FHOD3: variants seen among roughly 807,000 people sequenced by gnomAD.
The protein encoded by FHOD3 is FH1/FH2 domain-containing protein 3.
FHOD3 carries 90 observed loss-of-function variants against 173.0 expected under a neutral mutation model. The ratio of observed to expected loss-of-function variants is 0.52; its 90% CI spans 0.44 to 0.62. The LOEUF is 0.62. FHOD3 is among the 20% of genes least tolerant of loss of function. FHOD3 has a pLI of 0.00. For synonymous variants in FHOD3, 828 were observed against 823.0 expected, an observed-to-expected ratio of 1.01 and a Z score of -0.10; for missense variants, 1,945 against 2,034.7, an observed-to-expected ratio of 0.96 and a Z score of 0.85.
intron 6 of FHOD3, among the ~76,000 whole-genome samples, chr18:36,583,702 A>G (rs1380283833): frequency 6.6e-6 from 1 of 152,210 alleles, no homozygotes; most frequent in Admixed American, 6.5e-5. Context: ...GGTGGCTGCC[A>G]AATCCCTTTG....
At chr18:36,733,054 A>G (rs2041452185) in intron 20 of FHOD3, among the ~76,000 whole-genome samples, 4 of 152,218 alleles carry the variant, frequency 2.6e-5, no homozygotes, top group Non-Finnish European at 4.4e-5. Flanking sequence ...CCGACCTCCC[A>G]GTAGAGAGCA....
rs761571080 is a variant in FHOD3, at chr18:36,693,365, C to T, written c.2178C>T (p.Asp726=). ...APLSHSPSSS[D]SQEALTVSAS... ...TGAGCCATAGCCCCTCATCTTCAGACTCTCAAGAGGCTCTCACGGTGTCTG... is the reference window on the plus strand; with the variant it reads ...TGAGCCATAGCCCCTCATCTTCAGATTCTCAAGAGGCTCTCACGGTGTCTG... Residue 726 remains aspartate (D), a synonymous_variant, in exon 17 of 29, where the codon GAC becomes GAT. Transcript: ENST00000590592. 5 of 1,613,826 alleles carry T rather than the reference C, an allele frequency of 3.1e-6. No homozygotes were observed. The Admixed American group carries it at 8.3e-5, about 27-fold the overall frequency.
intron 1 of FHOD3, among the ~76,000 whole-genome samples, chr18:36,331,667 T>C (rs1293162471): frequency 6.6e-6 from 1 of 151,464 alleles, no homozygotes; most frequent in Non-Finnish European, 1.5e-5. Context: ...TTGGAGAAGG[T>C]GTGGTTGGGT....
At chr18:36,754,151 T>G (rs1164393352) in intron 24 of FHOD3, among the ~76,000 whole-genome samples, 2 of 152,258 alleles carry the variant, frequency 1.3e-5, no homozygotes, top group African/African-American at 4.8e-5. Flanking sequence ...AAGAGTCATG[T>G]AGTTTTGGAT....
chr18:36,687,585 G>A (rs1207743465), intron 16 of FHOD3, among the ~76,000 whole-genome samples: 1 of 152,142 alleles, frequency 6.6e-6, no homozygotes, highest in Non-Finnish European at 1.5e-5. Context: ...ATATATCTGA[G>A]ACTCTTTCTG....
intron 17 of FHOD3, among the ~76,000 whole-genome samples, chr18:36,700,108 T>G (rs977866886): frequency 2.0e-5 from 3 of 152,204 alleles, no homozygotes; most frequent in African/African-American, 7.2e-5. Context: ...GTGGTGGGTT[T>G]TTCTGAAGTT....
intron 10 of FHOD3, among the ~76,000 whole-genome samples, chr18:36,629,049 C>T (rs370610252): frequency 5.3e-5 from 8 of 152,316 alleles, no homozygotes; most frequent in African/African-American, 1.7e-4. Flanking sequence ...TTGTGCCATG[C>T]AGCTTTCAGT....
At position 36,591,638 on chromosome 18, in the gene FHOD3, C is replaced by T. The variant is rs539903615; in HGVS notation, c.607-3149C>T. On this transcript the variant is annotated intron_variant, in intron 6 of 28. Transcript: ENST00000590592. ...TGATAAAGGACGTGGATAGAAAAGG[C>T]CGAGTGTAGTGGCTCATGCCTGAAA... Among the ~76,000 whole-genome samples, 2 of 152,284 alleles carry T rather than the reference C, an allele frequency of 1.3e-5. 1 individual carries two copies. Among genetic ancestry groups the T allele is most frequent in the South Asian group, 4.1e-4 (2 of 4,824 alleles).
chr18:36,687,134 T>G lies in FHOD3; in HGVS notation c.1977T>G (p.Asp659Glu). ...EREERNKFSR[D>E]YLDKREEQRQ... ...TTCTACATATTTCCATTAGCCGAGA[T>G]TATTTAGACAAAAGAGAGGAGCAAA... Residue 659 changes from aspartate (D) to glutamate (E), a missense_variant, in exon 16 of 29, where the codon GAT becomes GAG. Asp to Glu is a conservative substitution (Grantham distance 45, BLOSUM62 2). This residue lies in a region of FHOD3 where 1,099 missense variants were observed against 1,051.2 expected (regional missense o/e 1.05). Transcript: ENST00000590592. 6.2e-7 allele frequency: 1 copy of G among 1,610,448 alleles called. No individual in the cohort carries two copies. The highest frequency in any genetic ancestry group is 2.2e-5 in the East Asian group (1 of 44,790).
At chr18:36,773,111 C>G (rs116270961) in intron 28 of FHOD3, among the ~76,000 whole-genome samples, 1 of 152,216 alleles carries the variant, frequency 6.6e-6, no homozygotes, top group African/African-American at 2.4e-5. Flanking sequence ...GTCAGAAAGT[C>G]GGGACTCAGG....
chr18:36,509,881 G>T (rs2055535578), intron 4 of FHOD3, among the ~76,000 whole-genome samples: 1 of 152,188 alleles, frequency 6.6e-6, no homozygotes, highest in African/African-American at 2.4e-5. Context: ...CACCATGTAG[G>T]CAAGGAAGAA....
intron 5 of FHOD3, among the ~76,000 whole-genome samples, chr18:36,529,475 G>A (rs1321310191): frequency 6.6e-6 from 1 of 152,160 alleles, no homozygotes; most frequent in Non-Finnish European, 1.5e-5. Flanking sequence ...ACCTAAATGG[G>A]CATAGGGTTC....
intron 3 of FHOD3, among the ~76,000 whole-genome samples, chr18:36,439,796 G>A (rs1383380991): frequency 1.3e-5 from 2 of 152,210 alleles, no homozygotes; most frequent in Admixed American, 6.5e-5. Context: ...CTGAGAACCT[G>A]AAGCTCTGAT....
intron 3 of FHOD3, among the ~76,000 whole-genome samples, chr18:36,419,759 T>C (rs762247231): frequency 2.6e-5 from 4 of 152,132 alleles, no homozygotes; most frequent in African/African-American, 4.8e-5. Context: ...TGGGCCAGCA[T>C]TGTCTCATGT....
chr18:36,621,595 C>G (rs928532915), intron 9 of FHOD3, among the ~76,000 whole-genome samples: 1 of 152,180 alleles, frequency 6.6e-6, no homozygotes, highest in Non-Finnish European at 1.5e-5. Flanking sequence ...AGCAGTGTTT[C>G]AAAAAGGCAA....
At chr18:36,706,227 G>T (rs2039871745) in intron 17 of FHOD3, among the ~76,000 whole-genome samples, 1 of 152,174 alleles carries the variant, frequency 6.6e-6, no homozygotes, top group Non-Finnish European at 1.5e-5. Flanking sequence ...GACAGCTAGA[G>T]AAGGGCTCTG....
At chr18:36,461,141 C>T (rs1188683103) in intron 3 of FHOD3, among the ~76,000 whole-genome samples, 5 of 152,116 alleles carry the variant, frequency 3.3e-5, no homozygotes, top group Non-Finnish European at 7.3e-5. Flanking sequence ...TCCTCAGATA[C>T]ACCTCTGTTT....
chr18:36,550,080 ATTAGCGAAAACTTCT>A (rs1329933123), intron 5 of FHOD3, among the ~76,000 whole-genome samples: 1 of 151,688 alleles, frequency 6.6e-6, no homozygotes, highest in Non-Finnish European at 1.5e-5. Context: ...TCTATCTTTT[ATTAGCGAAAACTTCT>A]TTAGTTTCCT....
intron 5 of FHOD3, among the ~76,000 whole-genome samples, chr18:36,532,829 G>A (rs1023685060): frequency 6.6e-6 from 1 of 152,200 alleles, no homozygotes; most frequent in South Asian, 2.1e-4. Context: ...TTTGGAAAAG[G>A]TTCCATTAAA....
Sources: allele counts gnomAD v4.1 joint callset (sites outside exome capture counted in the v4.1 genomes callset), GRCh38; gene constraint gnomAD v4.1.1; regional missense constraint gnomAD v4.1.1; transcripts MANE v1.5; gene names NCBI Gene and HGNC (gene_info 2026-07-23, HGNC 2026-07-21).